The following PFKFB3 variants were observed in gnomAD, a reference collection of about 807,000 sequenced individuals.
The protein encoded by PFKFB3 is 6-phosphofructo-2-kinase/fructose-2,6-biphosphatase 3, also known as 6-phosphofructo-2-kinase/fructose-2,6-bisphosphatase 3.
PFKFB3 carries 33 observed loss-of-function variants against 68.0 expected under a neutral mutation model. The observed-to-expected ratio is 0.49, with a 90% CI of 0.37 to 0.65. The LOEUF (loss-of-function observed/expected upper bound fraction) is 0.65. Among genes scored for constraint, PFKFB3 ranks in the 30% least tolerant of loss-of-function variants. The pLI, the probability that PFKFB3 is intolerant of heterozygous loss-of-function variation, is 0.00. For missense variants in PFKFB3, 586 were observed against 712.2 expected, an observed-to-expected ratio of 0.82 and a Z score of 2.02; for synonymous variants, 315 against 288.2, an observed-to-expected ratio of 1.09 and a Z score of -0.94.
chr10:6,201,500 A>G (rs1223121189), upstream of PFKFB3, among the ~76,000 whole-genome samples: 3 of 128,694 alleles, frequency 2.3e-5, no homozygotes, highest in African/African-American at 9.1e-5. The surrounding 1 kb of genome is among the most constrained non-coding windows in gnomAD (Gnocchi z 4.1). Context: ...GGCACAGGCC[A>G]GGTGGCCGAT....
At chr10:6,149,533 G>A (rs903383632) in intron 1 of PFKFB3, 1 of 149,466 alleles carries the variant, frequency 6.7e-6, no homozygotes, top group Non-Finnish European at 1.5e-5. Flanking sequence ...GTTGCAGTGA[G>A]CCGAGATCGT....
In PFKFB3 at chr10:6,215,351, TG is replaced by T; in HGVS notation, c.299+37del. 1 of 1,535,910 alleles carries T rather than the reference TG, an allele frequency of 6.5e-7. No individual in the cohort carries two copies. The highest frequency in any genetic ancestry group is 9.0e-7 in the Non-Finnish European group (1 of 1,111,656). On this transcript the variant is annotated intron_variant, in intron 3 of 14. Coordinates refer to ENST00000379775, the MANE Select transcript of PFKFB3 (RefSeq NM_004566.4). The surrounding 1 kb of genome is among the most constrained non-coding windows in gnomAD (Gnocchi z 4.3). ...GGGCCGCGGGCGTAGGGCTGGGCTGTGGGAATAAGGCTGGGCCGCGGGCATA... is the reference window on the plus strand; with the variant it reads ...GGGCCGCGGGCGTAGGGCTGGGCTGTGGAATAAGGCTGGGCCGCGGGCATA...
intron 1 of PFKFB3, among the ~76,000 whole-genome samples, chr10:6,206,739 A>C (rs1379796744): frequency 2.1e-5 from 3 of 142,412 alleles, no homozygotes; most frequent in African/African-American, 8.3e-5. Flanking sequence ...GCGGCCAGGA[A>C]GAGGCGCTCC....
chr10:6,257,092 C>T (rs1458136204), downstream of PFKFB3, among the ~76,000 whole-genome samples: 1 of 152,182 alleles, frequency 6.6e-6, no homozygotes, highest in Non-Finnish European at 1.5e-5. Context: ...TCGTTCCCAA[C>T]AGCAGCATCA....
chr10:6,145,561 G>A lies in PFKFB3; in HGVS notation c.16+548G>A, dbSNP rs1209801823. Among the ~76,000 whole-genome samples the A allele has an allele frequency of 2.0e-5, 3 of 152,186 alleles. No individual in the cohort carries two copies. In the East Asian group the frequency reaches 5.8e-4, roughly 29 times the overall value. On this transcript the variant is annotated intron_variant, in intron 1 of 14. Coordinates refer to the PFKFB3 transcript ENST00000379789. ...TGAGGGCGGGATTGGTGGGCTCGGG[G>A]GCACGGAGAGGGGCAGCGCGGCGCG... is the stretch of plus-strand genomic sequence containing the variant.
intron 1 of PFKFB3, chr10:6,163,804 G>C (rs1378519210): frequency 6.6e-6 from 1 of 151,892 alleles, no homozygotes; most frequent in Non-Finnish European, 1.5e-5. Flanking sequence ...GGCACGCCGC[G>C]TTCACGTGCT....
chr10:6,156,536 C>G (rs1407346239), intron 1 of PFKFB3, among the ~76,000 whole-genome samples: 1 of 149,972 alleles, frequency 6.7e-6, no homozygotes, highest in Non-Finnish European at 1.5e-5. Context: ...GAGATGGAGT[C>G]TCGCTCTGCG....
the PFKFB3 span, among the ~76,000 whole-genome samples, chr10:6,278,694 A>G: frequency 1.3e-5 from 2 of 152,232 alleles, no homozygotes; most frequent in African/African-American, 4.8e-5. Flanking sequence ...GTGGATACTA[A>G]CTTCTAGAGC....
At chr10:6,242,059 T>TG (rs1359945515) in intron 14 of PFKFB3, among the ~76,000 whole-genome samples, 1 of 152,130 alleles carries the variant, frequency 6.6e-6, no homozygotes, top group Non-Finnish European at 1.5e-5. Context: ...TTGCCCAGGC[T>TG]GGTCTTTAAC....
intron 1 of PFKFB3, among the ~76,000 whole-genome samples, chr10:6,155,699 G>T (rs928581559): frequency 6.6e-6 from 1 of 152,092 alleles, no homozygotes; most frequent in Non-Finnish European, 1.5e-5. Flanking sequence ...TCAGGATACT[G>T]GCTTGTCCTG....
intron 14 of PFKFB3, among the ~76,000 whole-genome samples, chr10:6,226,878 G>A (rs1296222115): frequency 6.6e-6 from 1 of 152,224 alleles, no homozygotes; most frequent in East Asian, 1.9e-4. Flanking sequence ...CTGAGGACAA[G>A]AGTTCCAGAC....
At chr10:6,296,203 CT>C in the PFKFB3 span, among the ~76,000 whole-genome samples, 1 of 150,232 alleles carries the variant, frequency 6.7e-6, no homozygotes, top group African/African-American at 2.4e-5. Context: ...TTGGCATTTT[CT>C]TTTTTTTCTT....
the PFKFB3 span, among the ~76,000 whole-genome samples, chr10:6,321,585 A>G: frequency 2.0e-3 from 301 of 152,184 alleles, 2 homozygotes; most frequent in African/African-American, 6.8e-3. Context: ...TCTTGATTTT[A>G]AATGCCCTGT....
chr10:6,182,369 G>C (rs1354311724), intron 1 of PFKFB3, among the ~76,000 whole-genome samples: 1 of 152,206 alleles, frequency 6.6e-6, no homozygotes, highest in African/African-American at 2.4e-5. Flanking sequence ...TGCAGCAGCA[G>C]TGTCACAAAC....
At position 6,228,231 on chromosome 10, in the gene PFKFB3, C is replaced by G; in HGVS notation, c.1515+1866C>G. 1 of 1,612,596 alleles carries G rather than the reference C, an allele frequency of 6.2e-7. No individual in the cohort carries two copies. Among genetic ancestry groups the G allele is most frequent in the Non-Finnish European group, 8.5e-7 (1 of 1,179,722 alleles). On this transcript the variant is annotated intron_variant, in intron 14 of 14. Transcript: ENST00000379775. The surrounding 1 kb of genome is among the most constrained non-coding windows in gnomAD (Gnocchi z 4.5). ...GGCAAGCCTGTCTGTAAGTATCTCTCCGATCATCGCTGCTGCTTGCACTGC... is the reference window on the plus strand; with the variant it reads ...GGCAAGCCTGTCTGTAAGTATCTCTGCGATCATCGCTGCTGCTTGCACTGC...
the PFKFB3 span, among the ~76,000 whole-genome samples, chr10:6,279,541 A>G: frequency 7.0e-6 from 1 of 143,204 alleles, no homozygotes; most frequent in Admixed American, 7.0e-5. Flanking sequence ...GAAGAGAGAA[A>G]GGCTCTTTTC....
chr10:6,322,142 A>G, the PFKFB3 span, among the ~76,000 whole-genome samples: 1 of 151,970 alleles, frequency 6.6e-6, no homozygotes, highest in Non-Finnish European at 1.5e-5. Context: ...TGAATTTCAA[A>G]TCTCCCTTTC....
the PFKFB3 span, among the ~76,000 whole-genome samples, chr10:6,325,065 G>A: frequency 2.2e-3 from 330 of 152,226 alleles, no homozygotes; most frequent in Non-Finnish European, 3.7e-3. Flanking sequence ...CCAGGCTCAG[G>A]TGATTCTCCC....
At position 6,191,703 on chromosome 10, in the gene PFKFB3, C is replaced by T. The variant is rs192535313; in HGVS notation, c.17-21920C>T. 1.3e-4 allele frequency among the ~76,000 whole-genome samples: 20 copies of T among 152,272 alleles called. No homozygotes were observed. The East Asian group carries it at 3.3e-3, about 25-fold the overall frequency. ...GGTAGGATCTGGCTGCTGCATTTGC[C>T]GTCCCTCTGGCCCACCGCTGTCCAC... is the stretch of plus-strand genomic sequence containing the variant. On this transcript the variant is annotated intron_variant, in intron 1 of 14. Transcript: ENST00000379789.
Sources: allele counts gnomAD v4.1 joint callset (sites outside exome capture counted in the v4.1 genomes callset), GRCh38; gene constraint gnomAD v4.1.1; non-coding constraint Gnocchi (gnomAD v3.1); transcripts MANE v1.5; gene names NCBI Gene and HGNC (gene_info 2026-07-23, HGNC 2026-07-21).